HYCC1: variants seen among roughly 807,000 people sequenced by gnomAD.
HYCC1 encodes the protein hyccin.
chr7:22,994,673 T>C, the HYCC1 span, among the ~76,000 whole-genome samples: 2 of 152,078 alleles, frequency 1.3e-5, no homozygotes, highest in Non-Finnish European at 2.9e-5. Flanking sequence ...AAGCTCAGAA[T>C]AAAATTGTTC....
At chr7:22,936,898 G>A in the HYCC1 span, 1 of 152,160 alleles carries the variant, frequency 6.6e-6, no homozygotes. Context: ...TGTATATTAT[G>A]TCCTATTGTA....
chr7:22,977,150 CACAT>C, the HYCC1 span, among the ~76,000 whole-genome samples: 1 of 147,000 alleles, frequency 6.8e-6, no homozygotes, highest in Admixed American at 7.2e-5. Flanking sequence ...CTCTTATTAG[CACAT>C]TTTAGTTTGA....
the HYCC1 span, among the ~76,000 whole-genome samples, chr7:22,999,593 C>G: frequency 6.6e-6 from 1 of 152,104 alleles, no homozygotes; most frequent in African/African-American, 2.4e-5. Flanking sequence ...TTTATCCAGA[C>G]AGTAGGCTGG....
At chr7:23,005,551 T>C in the HYCC1 span, among the ~76,000 whole-genome samples, 2 of 152,242 alleles carry the variant, frequency 1.3e-5, no homozygotes, top group Non-Finnish European at 2.9e-5. Context: ...ACTGATTAAC[T>C]TTCTGATTTA....
the HYCC1 span, among the ~76,000 whole-genome samples, chr7:22,932,753 A>C: frequency 6.6e-6 from 1 of 152,114 alleles, no homozygotes; most frequent in Non-Finnish European, 1.5e-5. Flanking sequence ...GATGAATGTG[A>C]ATTTTGGGGA....
At chr7:22,909,708 G>C in the HYCC1 span, among the ~76,000 whole-genome samples, 17 of 152,204 alleles carry the variant, frequency 1.1e-4, 1 homozygote, top group African/African-American at 4.1e-4. Flanking sequence ...TCCTCCTGTA[G>C]TTCCCTCTGC....
At chr7:23,013,902 G>A in the HYCC1 span, 1 of 465,406 alleles carries the variant, frequency 2.1e-6, no homozygotes, top group South Asian at 1.5e-5. Flanking sequence ...GGGGCCCGGC[G>A]TGGGTCTCTC....
the HYCC1 span, among the ~76,000 whole-genome samples, chr7:23,007,231 C>T: frequency 2.6e-5 from 4 of 152,108 alleles, no homozygotes; most frequent in African/African-American, 7.2e-5. Context: ...ATTAAATTTA[C>T]TTCTCAGTAA....
the HYCC1 span, chr7:22,936,537 G>A: frequency 6.6e-6 from 1 of 152,204 alleles, no homozygotes; most frequent in Non-Finnish European, 1.5e-5. Flanking sequence ...TAATATGTCT[G>A]TAGGAAACAA....
chr7:23,007,935 C>G, the HYCC1 span, among the ~76,000 whole-genome samples: 1 of 152,040 alleles, frequency 6.6e-6, no homozygotes, highest in Non-Finnish European at 1.5e-5. Flanking sequence ...ATTTCCTTAA[C>G]ATACCATAAA....
At chr7:22,990,964 G>C in the HYCC1 span, 1 of 788,796 alleles carries the variant, frequency 1.3e-6, no homozygotes, top group African/African-American at 1.7e-5. Context: ...CAGATATTTA[G>C]CCTTTCAGTC....
chr7:22,935,617 AGTT>A, the HYCC1 span: 5 of 152,180 alleles, frequency 3.3e-5, no homozygotes, highest in Admixed American at 1.3e-4. Flanking sequence ...CCAGGAAAGA[AGTT>A]GTGCCAATGC....
chr7:22,945,426 G>A, the HYCC1 span: 1 of 628,956 alleles, frequency 1.6e-6, no homozygotes. Flanking sequence ...TCAACTTACT[G>A]CAACCTAGAC....
the HYCC1 span, among the ~76,000 whole-genome samples, chr7:22,990,611 G>C: frequency 6.6e-6 from 1 of 152,134 alleles, no homozygotes; most frequent in Non-Finnish European, 1.5e-5. Context: ...CTAATCAAAG[G>C]TCATACACCC....
At chr7:22,949,343 C>A in the HYCC1 span, among the ~76,000 whole-genome samples, 1 of 152,000 alleles carries the variant, frequency 6.6e-6, no homozygotes, top group Non-Finnish European at 1.5e-5. Flanking sequence ...GGAAGCTAAC[C>A]AGTAAAATCT....
the HYCC1 span, among the ~76,000 whole-genome samples, chr7:22,984,285 C>G: frequency 6.6e-6 from 1 of 151,660 alleles, no homozygotes; most frequent in Non-Finnish European, 1.5e-5. Flanking sequence ...ACATGTTTAC[C>G]TTAAATTAGT....
At chr7:22,978,210 CA>C in the HYCC1 span, 1 of 1,476,110 alleles carries the variant, frequency 6.8e-7, no homozygotes, top group Non-Finnish European at 9.5e-7. Flanking sequence ...AAAGCAGTTG[CA>C]CAGGTTATAT....
chr7:22,915,723 T>G, the HYCC1 span, among the ~76,000 whole-genome samples: 2 of 152,212 alleles, frequency 1.3e-5, no homozygotes, highest in African/African-American at 4.8e-5. Context: ...TTCAAAGGCC[T>G]GTTTCCCTTG....
chr7:22,909,779 T>G, the HYCC1 span, among the ~76,000 whole-genome samples: 2 of 152,332 alleles, frequency 1.3e-5, no homozygotes, highest in African/African-American at 2.4e-5. Context: ...CCTGTTCTTT[T>G]ATGTAGGTAT....
Sources: gnomAD v4.1 joint callset for allele counts (sites outside exome capture counted in the v4.1 genomes callset) on GRCh38, gnomAD v4.1.1 for gene constraint, MANE v1.5 for transcripts, NCBI Gene and HGNC (gene_info 2026-07-23, HGNC 2026-07-21) for gene names.